Variants in DHRS4L2 observed in about 807,000 individuals in gnomAD.
DHRS4L2 encodes the protein dehydrogenase/reductase SDR family member 4-like 2.
A neutral mutation model predicts 23.9 loss-of-function variants in DHRS4L2; 22 were observed. The ratio of observed to expected loss-of-function variants is 0.92; its 90% confidence interval spans 0.66 to 1.31. The LOEUF (loss-of-function observed/expected upper bound fraction) is 1.31, where lower values mean the gene tolerates loss of function less well. Among genes scored for constraint, DHRS4L2 ranks in the 40% most tolerant of loss-of-function variants. The pLI is 0.00. For synonymous variants in DHRS4L2, 141 were observed against 123.7 expected (o/e 1.14, Z -0.93); for missense variants, 385 against 303.3 (o/e 1.27, Z -2.00).
At chr14:23,999,367 A>AAAAACAAAAC (rs2034443776) in intron 3 of DHRS4L2, among the ~76,000 whole-genome samples, 1 of 116,774 alleles carries the variant, frequency 8.6e-6, no homozygotes, top group Non-Finnish European at 1.8e-5. Context: ...AAAAAAAAAA[A>AAAAACAAAAC]AAAAAAACAA....
upstream of DHRS4L2, chr14:23,988,848 G>T: frequency 6.8e-7 from 1 of 1,473,148 alleles, no homozygotes. Context: ...AGGGCGGGAA[G>T]GGGGCAGGCA....
In DHRS4L2 at chr14:24,001,000, C is replaced by A. The variant is rs55700022; in HGVS notation, c.480-33C>A. On this transcript the variant is annotated intron_variant, in intron 4 of 7. Transcript: ENST00000335125. ...CACAGGCTGAGGGCAGTGGTCCACACTGGGAAGACGGTCAGCTCTCTTCTT... is the reference window on the plus strand; with the variant it reads ...CACAGGCTGAGGGCAGTGGTCCACAATGGGAAGACGGTCAGCTCTCTTCTT... 50 of 1,610,920 alleles carry A rather than the reference C, an allele frequency of 3.1e-5. 2 individuals are homozygous for A. The African/African-American group carries it at 3.6e-4, about 11-fold the overall frequency.
chr14:23,990,291 G>C lies in DHRS4L2; in HGVS notation c.238G>C (p.Gly80Arg). Residue 80 changes from glycine (G) to arginine (R), a missense_variant, in exon 2 of 8, where the codon GGG becomes CGG. Transcript: ENST00000335125. ...GGCGGTGGCCACGCTGCAGGGGGAG[G>C]GGCTGAGCGTGACGGGCACTGTGTG... Reference protein sequence around the residue: ...DQAVATLQGEGLSVTGTVCHV... With the variant: ...DQAVATLQGERLSVTGTVCHV... The C allele has an allele frequency of 2.5e-6, 4 of 1,612,450 alleles. No homozygotes were observed. The highest frequency in any genetic ancestry group is 3.4e-6 in the Non-Finnish European group (4 of 1,179,204).
At chr14:23,975,135 A>G (rs1276309546) in intron 1 of DHRS4L2, among the ~76,000 whole-genome samples, 1 of 151,716 alleles carries the variant, frequency 6.6e-6, no homozygotes, top group Non-Finnish European at 1.5e-5. Context: ...GGAAAAGAGG[A>G]AGTCAAATTG....
chr14:23,985,358 CTGT>C (rs1269316319), upstream of DHRS4L2, among the ~76,000 whole-genome samples: 2 of 151,660 alleles, frequency 1.3e-5, no homozygotes, highest in Non-Finnish European at 2.9e-5. Flanking sequence ...TCAATAAATG[CTGT>C]TAACACTCTT....
At chr14:23,985,032 T>A (rs1003591737), upstream of DHRS4L2, among the ~76,000 whole-genome samples, 1 of 151,354 alleles carries the variant, frequency 6.6e-6, no homozygotes, top group South Asian at 2.1e-4. Context: ...TGACTTAGTG[T>A]AGGCTTGTAT....
chr14:23,977,153 C>T (rs936714827), intron 1 of DHRS4L2, among the ~76,000 whole-genome samples: 5 of 151,876 alleles, frequency 3.3e-5, no homozygotes, highest in African/African-American at 9.7e-5. Flanking sequence ...AATTAATAAT[C>T]CATTCCATTT....
intron 3 of DHRS4L2, among the ~76,000 whole-genome samples, chr14:23,999,375 CAA>C (rs2034445449): frequency 2.6e-5 from 2 of 77,024 alleles, no homozygotes; most frequent in East Asian, 4.1e-4. Flanking sequence ...AAAAAAAAAA[CAA>C]TATCTGCAAA....
chr14:23,994,533 C>A (rs985656680), intron 2 of DHRS4L2, among the ~76,000 whole-genome samples: 3 of 151,366 alleles, frequency 2.0e-5, no homozygotes, highest in Non-Finnish European at 2.9e-5. Flanking sequence ...ACAAAAAATA[C>A]AAAAATTGCC....
In DHRS4L2 at chr14:23,973,117, T is replaced by G. The variant is rs190416515; in HGVS notation, c.-176+2785T>G. 4.0e-4 allele frequency among the ~76,000 whole-genome samples: 61 copies of G among 152,012 alleles called. 2 individuals are homozygous for G. The highest frequency in any genetic ancestry group is 1.4e-3 in the African/African-American group (57 of 41,410). On this transcript the variant is annotated intron_variant, in intron 1 of 5. Transcript: ENST00000534993. ...CTATCTCGACTGCAAGAGGCTTTCC[T>G]CTTTTACTAATCCACCAGAGCACAG...
chr14:23,974,422 G>A (rs1382915512), intron 1 of DHRS4L2, among the ~76,000 whole-genome samples: 1 of 150,700 alleles, frequency 6.6e-6, no homozygotes, highest in Non-Finnish European at 1.5e-5. Flanking sequence ...AGGTGATAGA[G>A]ACATTAAAAA....
Position 24,001,190 on chromosome 14 carries a change from C to A in DHRS4L2, c.531+106C>A, listed in dbSNP as rs897581971. The A allele has an allele frequency of 2.5e-4, 403 of 1,598,442 alleles. 11 individuals are homozygous for A. The highest frequency in any genetic ancestry group is 3.0e-4 in the Non-Finnish European group (357 of 1,171,892). Reference sequence around the variant, plus strand: ...GTGTCCCCTTGTAGAATCACACCACCAAGTCCCTGCCCACAAAATAGATGC... The same window carrying A: ...GTGTCCCCTTGTAGAATCACACCACAAAGTCCCTGCCCACAAAATAGATGC... On this transcript the variant is annotated intron_variant, in intron 5 of 7. Transcript: ENST00000335125.
chr14:23,997,921 C>G lies in DHRS4L2; in HGVS notation c.408+2788C>G, dbSNP rs1244470290. On this transcript the variant is annotated intron_variant, in intron 3 of 7. Transcript: ENST00000335125. The stretch of plus-strand genomic sequence containing the variant: ...GAAGGTTTTCAGTTAACTTTGCCAA[C>G]ATCCATCAGAGGAATCACTATCCAT... Among the ~76,000 whole-genome samples the G allele has an allele frequency of 4.6e-3, 687 of 150,782 alleles. 5 individuals carry two copies. Among genetic ancestry groups the G allele is most frequent in the African/African-American group, 7.0e-3 (288 of 41,210 alleles).
intron 2 of DHRS4L2, among the ~76,000 whole-genome samples, chr14:23,994,196 A>G (rs1363517330): frequency 6.6e-6 from 1 of 151,748 alleles, no homozygotes; most frequent in African/African-American, 2.4e-5. Flanking sequence ...AGATAATGGT[A>G]ACTTATTCAG....
chr14:23,990,849 C>G lies in DHRS4L2; in HGVS notation c.306+490C>G, dbSNP rs188993888. ...GGACTATTCTCTCAGTCTGCAGACC[C>G]TGGCTCAGATAGCTGGAGCAACTTC... is the stretch of plus-strand genomic sequence containing the variant. On this transcript the variant is annotated intron_variant, in intron 2 of 7. Transcript: ENST00000335125. 8.0e-4 allele frequency: 403 copies of G among 501,572 alleles called. 5 individuals carry two copies. Among genetic ancestry groups the G allele is most frequent in the African/African-American group, 7.9e-3 (375 of 47,608 alleles). The allele number at this position is 501,572 out of a possible 1,614,324, so 31.1% of individuals were successfully genotyped here.
upstream of DHRS4L2, among the ~76,000 whole-genome samples, chr14:23,984,920 G>T (rs2034114032): frequency 6.6e-6 from 1 of 151,408 alleles, no homozygotes; most frequent in African/African-American, 2.4e-5. Context: ...GGGGTCAGGG[G>T]GCTCATTTCT....
At chr14:23,976,895 G>A (rs544809924) in intron 1 of DHRS4L2, among the ~76,000 whole-genome samples, 1 of 151,874 alleles carries the variant, frequency 6.6e-6, no homozygotes, top group East Asian at 1.9e-4. Flanking sequence ...ATAAGTGGAA[G>A]TGGAACAAGG....
upstream of DHRS4L2, chr14:23,988,914 G>A: frequency 6.2e-7 from 1 of 1,608,710 alleles, no homozygotes; most frequent in Non-Finnish European, 8.5e-7. Flanking sequence ...ACCTCCGCTG[G>A]AAGGAGTGGA....
In DHRS4L2 at chr14:23,978,252, G is replaced by C. The variant is rs1385513074; in HGVS notation, c.-176+7920G>C. Among the ~76,000 whole-genome samples, 8 of 150,494 alleles carry C rather than the reference G, an allele frequency of 5.3e-5. 1 individual carries two copies. The East Asian group carries it at 1.6e-3, about 29-fold the overall frequency. On this transcript the variant is annotated intron_variant, in intron 1 of 5. Transcript: ENST00000534993. Reference sequence around the variant, plus strand: ...GTTCACCATAGCATTGTTTGAAATAGCAAAACACTGGAAGCTACTTAAATA... The same window carrying C: ...GTTCACCATAGCATTGTTTGAAATACCAAAACACTGGAAGCTACTTAAATA...
Sources: allele counts gnomAD v4.1 joint callset (sites outside exome capture counted in the v4.1 genomes callset), GRCh38; gene constraint gnomAD v4.1.1; transcripts MANE v1.5; gene names NCBI Gene and HGNC (gene_info 2026-07-23, HGNC 2026-07-21).